Variants in ARMC9 observed in about 807,000 individuals in gnomAD.
The protein encoded by ARMC9 is lisH domain-containing protein ARMC9.
A neutral mutation model predicts 107.0 loss-of-function variants in ARMC9; 94 were observed. The ratio of observed to expected loss-of-function variants is 0.88; its 90% confidence interval spans 0.74 to 1.04. The LOEUF is 1.04. ARMC9 is among the 50% of genes least tolerant of loss of function. The probability of loss-of-function intolerance (pLI) is 0.00; values close to 1 mark genes in which losing one functional copy is unlikely to be tolerated. For missense variants in ARMC9, 942 were observed against 1,030.1 expected, an observed-to-expected ratio of 0.91 and a Z score of 1.17; for synonymous variants, 380 against 396.9, an observed-to-expected ratio of 0.96 and a Z score of 0.51.
At chr2:231,292,308 G>A (rs1016168841) in intron 18 of ARMC9, among the ~76,000 whole-genome samples, 2 of 152,052 alleles carry the variant, frequency 1.3e-5, no homozygotes, top group Non-Finnish European at 2.9e-5. Context: ...AACCTTGTAA[G>A]TTCTCTTTAT....
At position 231,208,186 on chromosome 2, in the gene ARMC9, A is replaced by G. The variant is rs1246052433; in HGVS notation, c.111A>G (p.Ile37Met). 1 of 1,609,602 alleles carries G rather than the reference A, an allele frequency of 6.2e-7. No homozygotes were observed. Among genetic ancestry groups the G allele is most frequent in the South Asian group, 1.1e-5 (1 of 90,038 alleles). Residue 37 changes from isoleucine (I) to methionine (M), a missense_variant, in exon 3 of 25, where the codon ATA becomes ATG. Physicochemically the swap from Ile to Met is conservative, Grantham distance 10. Coordinates refer to ENST00000611582, the MANE Select transcript of ARMC9 (RefSeq NM_001352754.2). ...AAACATTTTCAAAAGAATGCAAAAT[A>G]AAAGGAAAACCATTGTGTAAAACAG... is the stretch of plus-strand genomic sequence containing the variant. The part of the protein sequence containing the change: ...TLKTFSKECK[I>M]KGKPLCKTVG...
intron 19 of ARMC9, among the ~76,000 whole-genome samples, chr2:231,300,061 C>T (rs1351342120): frequency 6.6e-6 from 1 of 152,202 alleles, no homozygotes; most frequent in Admixed American, 6.5e-5. Context: ...CCGTTGTTCT[C>T]ACCCCCAGTG....
chr2:231,308,183 C>T (rs1044457049), intron 19 of ARMC9, among the ~76,000 whole-genome samples: 1 of 152,224 alleles, frequency 6.6e-6, no homozygotes, highest in African/African-American at 2.4e-5. Context: ...CTTAGTGCGG[C>T]AACACAGCCA....
intron 14 of ARMC9, among the ~76,000 whole-genome samples, chr2:231,274,363 G>A (rs552463231): frequency 2.3e-4 from 35 of 152,040 alleles, no homozygotes; most frequent in African/African-American, 8.2e-4. Context: ...TGATCCACCC[G>A]CCTCGGCCTC....
intron 19 of ARMC9, among the ~76,000 whole-genome samples, chr2:231,330,131 G>A (rs2043620450): frequency 1.3e-5 from 2 of 152,002 alleles, no homozygotes; most frequent in African/African-American, 4.8e-5. Flanking sequence ...TCTGCCAGTA[G>A]CATACAATGT....
chr2:231,267,686 G>A (rs2038973087), intron 12 of ARMC9, among the ~76,000 whole-genome samples: 1 of 152,206 alleles, frequency 6.6e-6, no homozygotes, highest in South Asian at 2.1e-4. Flanking sequence ...AGCAGGGCAT[G>A]GAAGGGGGAG....
intron 19 of ARMC9, among the ~76,000 whole-genome samples, chr2:231,318,090 C>T (rs753839348): frequency 4.6e-5 from 7 of 151,668 alleles, no homozygotes; most frequent in Non-Finnish European, 7.4e-5. Context: ...GACAACCAGA[C>T]GTTATAGATA....
intron 11 of ARMC9, among the ~76,000 whole-genome samples, chr2:231,260,756 T>C (rs1559366201): frequency 6.6e-6 from 1 of 152,226 alleles, no homozygotes; most frequent in Non-Finnish European, 1.5e-5. Context: ...GCTCTTGGTT[T>C]ACTGACGCTG....
At chr2:231,231,589 G>A (rs185556158) in intron 7 of ARMC9, among the ~76,000 whole-genome samples, 174 of 152,014 alleles carry the variant, frequency 1.1e-3, no homozygotes, top group African/African-American at 4.0e-3. Context: ...TCACCACGTT[G>A]GCCAGGCTGG....
chr2:231,344,844 T>C, intron 20 of ARMC9, 131 bp from the exon 21 acceptor site: 2 of 955,312 alleles, frequency 2.1e-6, no homozygotes, highest in Non-Finnish European at 3.2e-6. Flanking sequence ...ATTTGTGACA[T>C]GATCCTTCCT....
At chr2:231,300,486 C>T (rs373164263) in intron 19 of ARMC9, among the ~76,000 whole-genome samples, 11 of 152,352 alleles carry the variant, frequency 7.2e-5, no homozygotes, top group African/African-American at 1.7e-4. Context: ...CAGCAGCTCC[C>T]GCCTGCTGGC....
chr2:231,239,488 G>A (rs1310616463), intron 8 of ARMC9, among the ~76,000 whole-genome samples: 3 of 152,222 alleles, frequency 2.0e-5, no homozygotes, highest in Non-Finnish European at 4.4e-5. Context: ...GCTCACTGTG[G>A]CTGTTACAAT....
rs984554447 is a variant in ARMC9 at position 231,297,931 on chromosome 2, A to G, written c.1773+1678A>G. 1.3e-5 allele frequency among the ~76,000 whole-genome samples: 2 copies of G among 150,586 alleles called. No individual in the cohort carries two copies. Among genetic ancestry groups the G allele is most frequent in the Non-Finnish European group, 3.0e-5 (2 of 67,602 alleles). ...GTTTTTCGGTTTGCTTTGGTTTTTC[A>G]TTTTGCTTTGTTTTTGCTATAAATC... On this transcript the variant is annotated intron_variant, in intron 19 of 24. Coordinates refer to ENST00000611582, the MANE Select transcript of ARMC9 (RefSeq NM_001352754.2). This position sits in a 1 kb window ranked among gnomAD's most constrained non-coding sequence, Gnocchi z 4.2.
Position 231,206,193 on chromosome 2 carries a change from T to C in ARMC9, c.-41-5T>C, listed in dbSNP as rs74651652. On this transcript the variant is annotated splice_polypyrimidine_tract_variant and splice_region_variant and intron_variant, in intron 1 of 24. Coordinates refer to ENST00000611582, the MANE Select transcript of ARMC9 (RefSeq NM_001352754.2). ...AAGCTGTTGTCTTGTATTTTTGCCTTCTAGAGATTTTTGCTGTGAGAATTA... is the reference window on the plus strand; with the variant it reads ...AAGCTGTTGTCTTGTATTTTTGCCTCCTAGAGATTTTTGCTGTGAGAATTA... 5,765 of 1,558,698 alleles carry C rather than the reference T, an allele frequency of 3.7e-3. 173 individuals are homozygous for C. The African/African-American group carries it at 0.07, about 19-fold the overall frequency.
chr2:231,293,331 G>A (rs1424953753), intron 18 of ARMC9, among the ~76,000 whole-genome samples: 1 of 152,140 alleles, frequency 6.6e-6, no homozygotes, highest in African/African-American at 2.4e-5. Flanking sequence ...CGGTGTGGGG[G>A]CGGAGGATTG....
In ARMC9 at chr2:231,372,828, G is replaced by A. The variant is rs1575212226; in HGVS notation, c.*1293G>A. 6.6e-6 allele frequency: 1 copy of A among 151,658 alleles called. No individual in the cohort carries two copies. Among genetic ancestry groups the A allele is most frequent in the Middle Eastern group, 3.4e-3 (1 of 296 alleles). The allele number at this position is 151,658 out of a possible 1,614,324, so 9.4% of individuals were successfully genotyped here. A position where few individuals can be genotyped will look rare whatever the true frequency, so the allele number is the denominator to read the frequency against. ...CCCCCAGGCACCTGATCTGCCCACA[G>A]ACCCTTCAATGGGGACATCTCTGGT... On this transcript the variant is annotated 3_prime_UTR_variant, in exon 25 of 25. Transcript: ENST00000611582.
rs56713732 is a variant in ARMC9, at chr2:231,311,770, CAAAAAAAAA to C, written c.1773+15535_1773+15543del. 3.9e-3 allele frequency among the ~76,000 whole-genome samples: 236 copies of C among 60,654 alleles called. 2 individuals carry two copies. The highest frequency in any genetic ancestry group is 5.3e-3 in the Non-Finnish European group (183 of 34,674). 39.8% of individuals were successfully genotyped at this position (60,654 alleles called of 152,430 possible). A position where few individuals can be genotyped will look rare whatever the true frequency, so the allele number is the denominator to read the frequency against. On this transcript the variant is annotated intron_variant, in intron 19 of 24. Coordinates refer to ENST00000611582, the MANE Select transcript of ARMC9 (RefSeq NM_001352754.2). ...GGGTGACAAAGTAAGACTCCATCGCCAAAAAAAAAAAAAAAAAAAAAAAAAATATTGTGC... is the reference window on the plus strand; with the variant it reads ...GGGTGACAAAGTAAGACTCCATCGCCAAAAAAAAAAAAAAAAATATTGTGC...
chr2:231,264,958 C>T (rs1216481850), intron 12 of ARMC9, among the ~76,000 whole-genome samples: 2 of 152,076 alleles, frequency 1.3e-5, no homozygotes, highest in African/African-American at 2.4e-5. Context: ...ATTAGCCAGA[C>T]GTGGTGGCAC....
Position 231,297,249 on chromosome 2 carries a change from TC to T in ARMC9, c.1773+998del, listed in dbSNP as rs1208269272. Among the ~76,000 whole-genome samples, 1 of 152,196 alleles carries T rather than the reference TC, an allele frequency of 6.6e-6. No individual in the cohort carries two copies. Among genetic ancestry groups the T allele is most frequent in the Admixed American group, 6.5e-5 (1 of 15,284 alleles). Reference sequence around the variant, plus strand: ...GCGGGTACGTGCTCCTGCTGGCTCTTCCTGCCTTGTCCAGCAGTGCAGAGCT... The same window carrying T: ...GCGGGTACGTGCTCCTGCTGGCTCTTCTGCCTTGTCCAGCAGTGCAGAGCT... On this transcript the variant is annotated intron_variant, in intron 19 of 24. Transcript: ENST00000611582. This position sits in a 1 kb window ranked among gnomAD's most constrained non-coding sequence, Gnocchi z 4.2.
Sources: gnomAD v4.1 joint callset for allele counts (sites outside exome capture counted in the v4.1 genomes callset) on GRCh38, gnomAD v4.1.1 for gene constraint, Gnocchi (gnomAD v3.1) non-coding constraint, MANE v1.5 for transcripts, NCBI Gene and HGNC (gene_info 2026-07-23, HGNC 2026-07-21) for gene names.